The following AARS1 variants were observed in gnomAD, a reference collection of about 807,000 sequenced individuals.
AARS1 encodes alanyl-tRNA synthetase 1, also known as alanine--tRNA ligase, cytoplasmic.
AARS1 carries 72 observed loss-of-function variants against 108.9 expected under a neutral mutation model. The ratio of observed to expected loss-of-function variants is 0.66; its 90% CI spans 0.55 to 0.80. The LOEUF (loss-of-function observed/expected upper bound fraction) is 0.80. Ranked by LOEUF, AARS1 falls within the 30% of genes least tolerant of loss-of-function variation. AARS1 has a pLI of 0.00. For synonymous variants in AARS1, 489 were observed against 465.7 expected (o/e 1.05, Z -0.64); for missense variants, 1,193 against 1,233.2 (o/e 0.97, Z 0.49).
intron 3 of AARS1, 87 bp from the exon 4 acceptor site, chr16:70,276,718 A>T (rs561122633): frequency 6.9e-7 from 1 of 1,439,602 alleles, no homozygotes. Flanking sequence ...ACACAGATAC[A>T]AAATCACAAC....
intron 4 of AARS1, among the ~76,000 whole-genome samples, chr16:70,273,516 A>G (rs1960461195): frequency 6.6e-6 from 1 of 152,096 alleles, no homozygotes; most frequent in Admixed American, 6.6e-5. Context: ...TCAGGAGTTC[A>G]AGATCAGCCT....
intron 9 of AARS1, 143 bp from the exon 10 acceptor site, chr16:70,265,805 C>T (rs1466089780): frequency 3.8e-6 from 3 of 799,116 alleles, no homozygotes; most frequent in Admixed American, 2.4e-5. Flanking sequence ...TCAGAAAATC[C>T]AGCACATCTT....
At chr16:70,276,459 C>A (rs763282307) in intron 4 of AARS1, 27 bp downstream of exon 4, 1 of 1,612,768 alleles carries the variant, frequency 6.2e-7, no homozygotes, top group Non-Finnish European at 8.5e-7. Context: ...CTCCTCCATA[C>A]TCTCAAGAAG....
intron 13 of AARS1, 112 bp downstream of exon 13, chr16:70,260,932 G>A: frequency 1.2e-6 from 1 of 816,600 alleles, no homozygotes. Flanking sequence ...AAAGTGCTGG[G>A]ATTACAAGTG....
intron 1 of AARS1, among the ~76,000 whole-genome samples, chr16:70,286,487 A>G (rs1410178646): frequency 6.7e-6 from 1 of 150,162 alleles, no homozygotes; most frequent in Non-Finnish European, 1.5e-5. Context: ...CAGCCTCCGG[A>G]GTAGCTAGGA....
At chr16:70,257,018 G>A (rs1274616614) in intron 15 of AARS1, among the ~76,000 whole-genome samples, 1 of 152,120 alleles carries the variant, frequency 6.6e-6, no homozygotes, top group African/African-American at 2.4e-5. Flanking sequence ...GGGAGGCTGA[G>A]GTGGGTGGCT....
intron 4 of AARS1, 87 bp from the exon 5 acceptor site, chr16:70,272,059 G>C (rs1960419672): frequency 7.8e-7 from 1 of 1,289,948 alleles, no homozygotes; most frequent in African/African-American, 1.5e-5. Flanking sequence ...AAATTCTTAG[G>C]ATTGGCCGGG....
chr16:70,271,082 G>A (rs973632880), intron 5 of AARS1, among the ~76,000 whole-genome samples: 1 of 152,018 alleles, frequency 6.6e-6, no homozygotes, highest in Admixed American at 6.6e-5. Context: ...GGCTGAGGCA[G>A]GAGAATCGCT....
chr16:70,285,375 G>T (rs1333767578), intron 1 of AARS1, among the ~76,000 whole-genome samples: 1 of 152,138 alleles, frequency 6.6e-6, no homozygotes, highest in East Asian at 1.9e-4. Flanking sequence ...AAACTCCGAG[G>T]CTCAAGTAAT....
intron 20 of AARS1, 116 bp downstream of exon 20, chr16:70,253,152 C>T: frequency 2.0e-6 from 2 of 976,376 alleles, no homozygotes; most frequent in Non-Finnish European, 3.2e-6. Context: ...GGGGTACTGG[C>T]AAAGGTAACC....
chr16:70,262,980 A>AG (rs1960174598), intron 11 of AARS1, among the ~76,000 whole-genome samples: 1 of 144,746 alleles, frequency 6.9e-6, no homozygotes, highest in Non-Finnish European at 1.5e-5. Context: ...AAAAAAAAAA[A>AG]AAAAAAAAAA....
At chr16:70,255,889 C>G (rs1232283815) in intron 15 of AARS1, 53 bp from the exon 16 acceptor site, 5 of 1,537,254 alleles carry the variant, frequency 3.3e-6, no homozygotes, top group African/African-American at 2.7e-5. Flanking sequence ...CAGCCCTTGG[C>G]TGGGGGGTCA....
intron 11 of AARS1, among the ~76,000 whole-genome samples, chr16:70,264,083 TA>T (rs1960208561): frequency 6.6e-6 from 1 of 151,532 alleles, no homozygotes; most frequent in South Asian, 2.1e-4. Context: ...CTGTCTCTAC[TA>T]AAAACACAAA....
At chr16:70,271,015 G>A (rs1436062086) in intron 5 of AARS1, among the ~76,000 whole-genome samples, 2 of 151,322 alleles carry the variant, frequency 1.3e-5, no homozygotes, top group Non-Finnish European at 2.9e-5. Flanking sequence ...AGCCTGGCAT[G>A]GTGGCATGCA....
intron 20 of AARS1, 116 bp from the exon 21 acceptor site, chr16:70,253,022 G>A (rs1959880414): frequency 8.2e-7 from 1 of 1,217,028 alleles, no homozygotes; most frequent in South Asian, 1.2e-5. Flanking sequence ...TGATACTGCT[G>A]GAGGCCGAGA....
chr16:70,264,508 GGTTTCATCAT>G (rs955214501), intron 11 of AARS1, among the ~76,000 whole-genome samples: 1 of 151,834 alleles, frequency 6.6e-6, no homozygotes, highest in Non-Finnish European at 1.5e-5. Flanking sequence ...GTAGAGATGG[GGTTTCATCAT>G]GTTGGTCAGG....
rs1362651769 is a variant in AARS1 at position 70,254,748 on chromosome 16, C to G, written c.2287-14G>C. On this transcript the variant is annotated splice_polypyrimidine_tract_variant and intron_variant, in intron 16 of 20. Coordinates refer to ENST00000261772, the MANE Select transcript of AARS1 (RefSeq NM_001605.3). The stretch of plus-strand genomic sequence containing the variant: ...TTTCCTGAGGGCCTGGGAGGGGACA[C>G]CGGGTCAACCCCAAGCAGGAGGTCT... The G allele has an allele frequency of 2.6e-6, 4 of 1,547,868 alleles. No homozygotes were observed. Among genetic ancestry groups the G allele is most frequent in the Non-Finnish European group, 3.6e-6 (4 of 1,120,188 alleles).
intron 4 of AARS1, chr16:70,276,159 G>T: frequency 5.8e-6 from 1 of 172,060 alleles, no homozygotes; most frequent in Non-Finnish European, 1.2e-5. Context: ...AGGTTGCAGT[G>T]AGCCGAGGTC....
At chr16:70,265,687 C>CAAA (rs146880293) in intron 9 of AARS1, 25 bp from the exon 10 acceptor site, 26 of 1,609,106 alleles carry the variant, frequency 1.6e-5, no homozygotes, top group Non-Finnish European at 2.2e-5. Flanking sequence ...GGAGGTGTGT[C>CAAA]AAAAAAAACA....
Sources: allele counts gnomAD v4.1 joint callset (sites outside exome capture counted in the v4.1 genomes callset), GRCh38; gene constraint gnomAD v4.1.1; transcripts MANE v1.5; gene names NCBI Gene and HGNC (gene_info 2026-07-23, HGNC 2026-07-21).